The following ATP8A2 variants were observed in gnomAD, a reference collection of about 807,000 sequenced individuals.
ATP8A2 encodes the protein ATPase phospholipid transporting 8A2, also known as phospholipid-transporting ATPase IB.
A neutral mutation model predicts 165.6 loss-of-function variants in ATP8A2; 100 were observed. The ratio of observed to expected loss-of-function variants is 0.60; its 90% CI spans 0.51 to 0.71. The LOEUF (loss-of-function observed/expected upper bound fraction) is 0.71, where lower values mean the gene tolerates loss of function less well. ATP8A2 is among the 30% of genes least tolerant of loss of function. ATP8A2 has a pLI of 0.00. For missense variants in ATP8A2, 1,227 were observed against 1,479.5 expected, an observed-to-expected ratio of 0.83 and a Z score of 2.80; for synonymous variants, 543 against 548.8, an observed-to-expected ratio of 0.99 and a Z score of 0.15.
At chr13:25,521,607 C>T (rs935980621) in intron 2 of ATP8A2, among the ~76,000 whole-genome samples, 22 of 152,186 alleles carry the variant, frequency 1.4e-4, no homozygotes, top group East Asian at 1.2e-3. Context: ...CCAGTTTTCC[C>T]GGCATCATTT....
intron 24 of ATP8A2, among the ~76,000 whole-genome samples, chr13:25,695,472 G>A (rs976674062): frequency 6.6e-6 from 1 of 152,202 alleles, no homozygotes; most frequent in African/African-American, 2.4e-5. Flanking sequence ...TCCATGGCAT[G>A]TGATGCCGTT....
intron 33 of ATP8A2, among the ~76,000 whole-genome samples, chr13:25,865,669 A>T (rs1952488431): frequency 6.6e-6 from 1 of 152,146 alleles, no homozygotes; most frequent in Non-Finnish European, 1.5e-5. Flanking sequence ...TCCCTAAATC[A>T]CCTCATGACA....
At chr13:25,858,655 C>T (rs1300762061) in intron 30 of ATP8A2, among the ~76,000 whole-genome samples, 1 of 152,130 alleles carries the variant, frequency 6.6e-6, no homozygotes, top group African/African-American at 2.4e-5. Flanking sequence ...GATTGTTCAA[C>T]AAGCATTGGG....
chr13:25,846,185 C>CA (rs879392514), intron 30 of ATP8A2, among the ~76,000 whole-genome samples: 6 of 150,748 alleles, frequency 4.0e-5, no homozygotes, highest in African/African-American at 7.3e-5. Flanking sequence ...CAAAACAAAA[C>CA]AAAAAAAAAG....
intron 33 of ATP8A2, among the ~76,000 whole-genome samples, chr13:25,869,437 G>T (rs1018433956): frequency 6.6e-6 from 1 of 152,156 alleles, no homozygotes; most frequent in African/African-American, 2.4e-5. Flanking sequence ...ACCCGAATCC[G>T]ATTTCTTTCT....
chr13:25,870,626 G>T (rs1265337450), intron 33 of ATP8A2, among the ~76,000 whole-genome samples: 1 of 152,178 alleles, frequency 6.6e-6, no homozygotes, highest in African/African-American at 2.4e-5. Context: ...AGAGAGAAAG[G>T]ATCAGTCTCT....
intron 1 of ATP8A2, among the ~76,000 whole-genome samples, chr13:25,430,997 CACACACACACACACATATATAT>C (rs2034593949): frequency 6.6e-6 from 1 of 151,052 alleles, no homozygotes. Flanking sequence ...CTTCCTAAAA[CACACACACACACACATATATAT>C]ACACACACAC....
At chr13:25,955,337 G>A (rs1955493922) in intron 33 of ATP8A2, among the ~76,000 whole-genome samples, 2 of 152,132 alleles carry the variant, frequency 1.3e-5, no homozygotes, top group African/African-American at 4.8e-5. Flanking sequence ...TAATCCAGGA[G>A]CTGGTTTTTT....
In ATP8A2 at chr13:25,555,028, C is replaced by G. The variant is rs1361234004; in HGVS notation, c.1223C>G (p.Ala408Gly). Residue 408 changes from alanine to glycine, a missense_variant, in exon 13 of 37, where the codon GCC (alanine) becomes GGC (glycine). Physicochemically the swap from Ala to Gly is moderately conservative, Grantham distance 60. Transcript: ENST00000381655. ...TATTATATAGGAAATGACACTCCTGCCATGGCCAGGACATCAAACCTTAAT... is the reference window on the plus strand; with the variant it reads ...TATTATATAGGAAATGACACTCCTGGCATGGCCAGGACATCAAACCTTAAT... Reference protein sequence around the residue: ...DMYYIGNDTPAMARTSNLNEE... With the variant: ...DMYYIGNDTPGMARTSNLNEE... 5.0e-6 allele frequency: 8 copies of G among 1,612,510 alleles called. No individual in the cohort carries two copies. Among genetic ancestry groups the G allele is most frequent in the South Asian group, 1.1e-5 (1 of 90,990 alleles).
intron 33 of ATP8A2, among the ~76,000 whole-genome samples, chr13:25,950,071 A>T (rs1259357890): frequency 6.6e-6 from 1 of 152,166 alleles, no homozygotes; most frequent in Non-Finnish European, 1.5e-5. Context: ...AAGTGCAGGG[A>T]TTACAGGTGT....
chr13:25,623,627 C>G (rs1468500733), intron 24 of ATP8A2, among the ~76,000 whole-genome samples: 1 of 152,094 alleles, frequency 6.6e-6, no homozygotes, highest in East Asian at 1.9e-4. Context: ...CTAATTCTAT[C>G]CTTATGACCA....
At chr13:25,691,745 C>T (rs577024715) in intron 24 of ATP8A2, among the ~76,000 whole-genome samples, 1 of 152,246 alleles carries the variant, frequency 6.6e-6, no homozygotes, top group Admixed American at 6.5e-5. Flanking sequence ...TAGGGATATT[C>T]CTAGATTGGA....
chr13:25,793,625 A>G (rs753064860), intron 27 of ATP8A2, among the ~76,000 whole-genome samples: 3 of 151,690 alleles, frequency 2.0e-5, no homozygotes, highest in Non-Finnish European at 4.4e-5. Flanking sequence ...TACAAATACT[A>G]CATGTACTAT....
chr13:25,556,165 A>AT (rs1267602327), intron 13 of ATP8A2, among the ~76,000 whole-genome samples: 8 of 152,216 alleles, frequency 5.3e-5, no homozygotes, highest in Admixed American at 1.3e-4. Context: ...GTAGTTCTGT[A>AT]TTAAGTTCTT....
At chr13:25,704,084 G>T (rs944995931) in intron 25 of ATP8A2, among the ~76,000 whole-genome samples, 1 of 152,154 alleles carries the variant, frequency 6.6e-6, no homozygotes, top group African/African-American at 2.4e-5. Flanking sequence ...AATCCTTTGA[G>T]CAGAAGTTTT....
At chr13:25,468,405 G>A (rs1291658110) in intron 1 of ATP8A2, among the ~76,000 whole-genome samples, 2 of 152,166 alleles carry the variant, frequency 1.3e-5, no homozygotes, top group African/African-American at 2.4e-5. Context: ...TTCACCCTGG[G>A]GTCTCCGAAG....
chr13:25,862,049 G>C lies in ATP8A2; in HGVS notation c.3076-252G>C, dbSNP rs147327844. On this transcript the variant is annotated intron_variant, in intron 32 of 36. Transcript: ENST00000381655. ...CTGTTACTATGGGAGAAATCTTAGA[G>C]TAAGGTCACCTGTGACAGCAAAAGC... 3.5e-3 allele frequency among the ~76,000 whole-genome samples: 540 copies of C among 152,300 alleles called. 5 individuals are homozygous for C. Among genetic ancestry groups the C allele is most frequent in the African/African-American group, 0.013 (522 of 41,548 alleles).
intron 36 of ATP8A2, among the ~76,000 whole-genome samples, chr13:26,015,751 G>A (rs1436888985): frequency 6.6e-6 from 1 of 152,192 alleles, no homozygotes. Context: ...GCTTTAGGAA[G>A]CCAGCCAGGG....
intron 24 of ATP8A2, among the ~76,000 whole-genome samples, chr13:25,602,607 G>A (rs751885145): frequency 3.3e-5 from 5 of 152,210 alleles, no homozygotes; most frequent in African/African-American, 4.8e-5. Context: ...GGCAAAGGCC[G>A]ATGCTCCCCA....
Sources: allele counts gnomAD v4.1 joint callset (sites outside exome capture counted in the v4.1 genomes callset), GRCh38; gene constraint gnomAD v4.1.1; transcripts MANE v1.5; gene names NCBI Gene and HGNC (gene_info 2026-07-23, HGNC 2026-07-21).